Variants in KHDRBS1 observed in about 807,000 individuals in gnomAD.
The protein encoded by KHDRBS1 is KH RNA binding domain containing, signal transduction associated 1, also known as KH domain-containing, RNA-binding, signal transduction-associated protein 1.
In KHDRBS1, 7 loss-of-function variants were observed where a neutral mutation model predicts 48.4. The observed-to-expected ratio is 0.14, with a 90% CI of 0.08 to 0.27. KHDRBS1 has a LOEUF of 0.27. KHDRBS1 is among the 10% of genes least tolerant of loss of function. KHDRBS1 has a pLI of 1.00. For synonymous variants in KHDRBS1, 241 were observed against 235.8 expected (o/e 1.02, Z -0.20); for missense variants, 458 against 601.2 (o/e 0.76, Z 2.49).
At chr1:32,028,500 CT>C (rs1235962364) in intron 1 of KHDRBS1, among the ~76,000 whole-genome samples, 3,240 of 123,320 alleles carry the variant, frequency 0.026, 17 homozygotes, top group African/African-American at 0.048. Flanking sequence ...ACTATATATA[CT>C]TTTTTTTTTT....
At position 32,014,121 on chromosome 1, in the gene KHDRBS1, C is replaced by T; in HGVS notation, c.126C>T (p.His42=). ...CGTCTCGGCAGCCGCCGCTGCCTCA[C>T]CGGTCCCGGGGAGGCGGAGGGGGAT... ...QTPSRQPPLP[H]RSRGGGGGSR... The change falls in exon 1 of 9, where the codon CAC becomes CAT. Residue 42 remains histidine (H), a synonymous_variant. Coordinates refer to ENST00000327300, the MANE Select transcript of KHDRBS1 (RefSeq NM_006559.3). 7.1e-7 allele frequency: 1 copy of T among 1,414,690 alleles called. No individual in the cohort carries two copies. The allele number at this position is 1,414,690 out of a possible 1,614,324, so 87.6% of individuals were successfully genotyped here.
At chr1:32,030,457 C>A in intron 2 of KHDRBS1, 35 bp downstream of exon 2, 1 of 1,574,134 alleles carries the variant, frequency 6.4e-7, no homozygotes, top group South Asian at 1.2e-5. Flanking sequence ...TTTGAGTTAT[C>A]TTTATAGTTA....
downstream of KHDRBS1, among the ~76,000 whole-genome samples, chr1:32,047,634 C>T (rs1247068216): frequency 6.6e-6 from 1 of 152,188 alleles, no homozygotes; most frequent in African/African-American, 2.4e-5. Flanking sequence ...TCACTGTATG[C>T]ATCATAATAT....
intron 1 of KHDRBS1, among the ~76,000 whole-genome samples, chr1:32,019,755 T>G (rs775458536): frequency 6.6e-6 from 1 of 151,708 alleles, no homozygotes; most frequent in Non-Finnish European, 1.5e-5. Context: ...TCTGTGATAT[T>G]GCAGGTTTTG....
At chr1:32,050,002 G>A (rs1639398475) in intron 10 of KHDRBS1, among the ~76,000 whole-genome samples, 1 of 152,136 alleles carries the variant, frequency 6.6e-6, no homozygotes, top group Admixed American at 6.6e-5. Flanking sequence ...TTTCTGCAGA[G>A]AGCCTGTACC....
chr1:32,027,449 A>AAGGGTT (rs1210443930), intron 1 of KHDRBS1, among the ~76,000 whole-genome samples: 1 of 152,202 alleles, frequency 6.6e-6, no homozygotes, highest in East Asian at 1.9e-4. Context: ...ACCAAACAGT[A>AAGGGTT]AGGGTTAGGG....
downstream of KHDRBS1, among the ~76,000 whole-genome samples, chr1:32,048,145 T>G (rs1360085682): frequency 6.6e-6 from 1 of 152,248 alleles, no homozygotes; most frequent in Non-Finnish European, 1.5e-5. Context: ...GAATCTGCTT[T>G]GGACCTCTGA....
At chr1:32,029,797 A>T (rs1639047568) in intron 1 of KHDRBS1, among the ~76,000 whole-genome samples, 1 of 152,254 alleles carries the variant, frequency 6.6e-6, no homozygotes, top group Non-Finnish European at 1.5e-5. Flanking sequence ...TTATTAACTT[A>T]GGTCACACGA....
At chr1:32,020,144 T>G (rs1638829712) in intron 1 of KHDRBS1, among the ~76,000 whole-genome samples, 1 of 152,038 alleles carries the variant, frequency 6.6e-6, no homozygotes, top group Non-Finnish European at 1.5e-5. Context: ...GCATGGTGGC[T>G]CATGCCTGTA....
chr1:32,014,143 G>T lies in KHDRBS1; in HGVS notation c.148G>T (p.Gly50Ter). 1 of 1,314,652 alleles carries T rather than the reference G, an allele frequency of 7.6e-7. No homozygotes were observed. 81.4% of individuals were successfully genotyped at this position (1,314,652 alleles called of 1,614,324 possible). A position where few individuals can be genotyped will look rare whatever the true frequency, so the allele number is the denominator to read the frequency against. Residue 50 changes from glycine to a stop codon, truncating the protein, a stop_gained, in exon 1 of 9, where the codon GGA becomes TGA. Transcript: ENST00000327300. LOFTEE classifies it high-confidence loss of function. ...TCACCGGTCCCGGGGAGGCGGAGGG[G>T]GATCCCGCGGGGGCGCCCGGGCCTC... The part of the protein sequence containing the change: ...LPHRSRGGGG[G>*]SRGGARASPA...
In KHDRBS1 at chr1:32,013,889, C is replaced by A. The variant is rs367965800; in HGVS notation, c.-107C>A. The A allele has an allele frequency of 2.5e-4, 279 of 1,099,016 alleles. 2 individuals are homozygous for A. The South Asian group carries it at 6.2e-3, about 24-fold the overall frequency. The allele number at this position is 1,099,016 out of a possible 1,614,324, so 68.1% of individuals were successfully genotyped here. On this transcript the variant is annotated 5_prime_UTR_variant, in exon 1 of 9. Coordinates refer to ENST00000327300, the MANE Select transcript of KHDRBS1 (RefSeq NM_006559.3). ...CTCTCTCTCGCTGGGTCGCTCGGGT[C>A]GGCTTCGGTCGCTACCGCTCCCGCT...
intron 10 of KHDRBS1, among the ~76,000 whole-genome samples, chr1:32,053,099 G>A (rs1415522993): frequency 6.6e-6 from 1 of 152,152 alleles, no homozygotes; most frequent in Non-Finnish European, 1.5e-5. Context: ...GCTGCAGTGA[G>A]TCATGATCAT....
chr1:32,041,564 A>T (rs1164614644), intron 8 of KHDRBS1, among the ~76,000 whole-genome samples: 1 of 151,408 alleles, frequency 6.6e-6, no homozygotes, highest in African/African-American at 2.4e-5. Context: ...TGACTTAAGA[A>T]AGGAGATAAG....
chr1:32,029,694 A>G (rs1376782077), intron 1 of KHDRBS1, among the ~76,000 whole-genome samples: 2 of 152,212 alleles, frequency 1.3e-5, no homozygotes, highest in Non-Finnish European at 2.9e-5. Context: ...ATTTTGTATC[A>G]TTTAGGCATT....
chr1:32,013,882 C>T lies in KHDRBS1; in HGVS notation c.-114C>T, dbSNP rs1482698571. The T allele has an allele frequency of 1.2e-5, 13 of 1,049,250 alleles. No individual in the cohort carries two copies. Among genetic ancestry groups the T allele is most frequent in the South Asian group, 2.7e-5 (1 of 37,212 alleles). The allele number at this position is 1,049,250 out of a possible 1,614,324, so 65.0% of individuals were successfully genotyped here. The stretch of plus-strand genomic sequence containing the variant: ...TCCGGTGCTCTCTCTCGCTGGGTCG[C>T]TCGGGTCGGCTTCGGTCGCTACCGC... On this transcript the variant is annotated 5_prime_UTR_variant, in exon 1 of 9. Coordinates refer to ENST00000327300, the MANE Select transcript of KHDRBS1 (RefSeq NM_006559.3).
Position 32,013,933 on chromosome 1 carries a change from G to A in KHDRBS1, c.-63G>A. On this transcript the variant is annotated 5_prime_UTR_variant, in exon 1 of 9. Coordinates refer to ENST00000327300, the MANE Select transcript of KHDRBS1 (RefSeq NM_006559.3). The stretch of plus-strand genomic sequence containing the variant: ...TCCCGCTCTGCCACCCCCGCCAACC[G>A]CCGCTCGGGCCTCCGTCGCTGCCGC... 1.5e-6 allele frequency: 2 copies of A among 1,345,132 alleles called. No individual in the cohort carries two copies. The highest frequency in any genetic ancestry group is 3.9e-5 in the Admixed American group (1 of 25,960). 83.3% of individuals were successfully genotyped at this position (1,345,132 alleles called of 1,614,324 possible).
At chr1:32,031,292 G>A (rs1639077566) in intron 2 of KHDRBS1, among the ~76,000 whole-genome samples, 1 of 152,106 alleles carries the variant, frequency 6.6e-6, no homozygotes, top group Admixed American at 6.6e-5. Flanking sequence ...ATGTATTATG[G>A]AAGAGCACCA....
In KHDRBS1 at chr1:32,022,766, A is replaced by G. The variant is rs115097716; in HGVS notation, c.383-7532A>G. Among the ~76,000 whole-genome samples, 1,064 of 152,100 alleles carry G rather than the reference A, an allele frequency of 7.0e-3. 16 individuals carry two copies. Among genetic ancestry groups the G allele is most frequent in the African/African-American group, 0.025 (1,021 of 41,500 alleles). ...TAGCCAGGTGTGGTGGCATGCGCCTATAGTCACCAGCTACTCGGGAGGCTG... is the reference window on the plus strand; with the variant it reads ...TAGCCAGGTGTGGTGGCATGCGCCTGTAGTCACCAGCTACTCGGGAGGCTG... On this transcript the variant is annotated intron_variant, in intron 1 of 8. Transcript: ENST00000327300.
At chr1:32,031,903 G>T (rs148836915) in intron 3 of KHDRBS1, among the ~76,000 whole-genome samples, 2 of 152,266 alleles carry the variant, frequency 1.3e-5, no homozygotes, top group South Asian at 2.1e-4. Context: ...AGCATGTTGC[G>T]CATTGGTAGG....
Sources: allele counts gnomAD v4.1 joint callset (sites outside exome capture counted in the v4.1 genomes callset), GRCh38; gene constraint gnomAD v4.1.1; transcripts MANE v1.5; gene names NCBI Gene and HGNC (gene_info 2026-07-23, HGNC 2026-07-21).